Variants in OPCML observed in about 807,000 individuals in gnomAD.
The protein encoded by OPCML is opioid binding protein/cell adhesion molecule like, also known as opioid-binding protein/cell adhesion molecule.
A neutral mutation model predicts 37.8 loss-of-function variants in OPCML; 13 were observed. The observed-to-expected ratio is 0.34, with a 90% confidence interval of 0.22 to 0.55. The LOEUF is 0.55. Among genes scored for constraint, OPCML ranks in the 20% least tolerant of loss-of-function variants. The pLI is 0.91. For missense variants in OPCML, 341 were observed against 435.6 expected (o/e 0.78, Z 1.93); for synonymous variants, 176 against 168.8 (o/e 1.04, Z -0.33).
intron 1 of OPCML, among the ~76,000 whole-genome samples, chr11:132,998,689 G>C (rs1340723740): frequency 6.6e-6 from 1 of 152,162 alleles, no homozygotes; most frequent in African/African-American, 2.4e-5. Context: ...GGGGGCTCTT[G>C]GGAGGTGATT....
rs1565357421 is a variant in OPCML, at chr11:132,942,976, G to A, written c.96C>T (p.Pro32=). 12 of 1,613,992 alleles carry A rather than the reference G, an allele frequency of 7.4e-6. No individual in the cohort carries two copies. Among genetic ancestry groups the A allele is most frequent in the African/African-American group, 1.3e-5 (1 of 74,916 alleles). Residue 32 remains proline (P), a synonymous_variant, in exon 2 of 8, where the codon CCC becomes CCT. Coordinates refer to ENST00000524381, the MANE Select transcript of OPCML (RefSeq NM_001012393.5). ...GGACCGTCACGTTGTCCATAGCTTT[G>A]GGGAAGGTGGCATCTCCGCTGCGCA... ...VPVRSGDATF[P]KAMDNVTVRQ... is the part of the protein sequence containing the mutation.
rs1015706930 is a variant in OPCML, at chr11:133,149,772, A to T, written c.62-206762T>A. ...TAGGCCACCCTGGGCACATCCCATC[A>T]GCTCAGTAATCCTTCATTCTCAACA... On this transcript the variant is annotated intron_variant, in intron 1 of 7. Coordinates refer to ENST00000524381, the MANE Select transcript of OPCML (RefSeq NM_001012393.5). Among the ~76,000 whole-genome samples, 3 of 152,234 alleles carry T rather than the reference A, an allele frequency of 2.0e-5. No individual in the cohort carries two copies. The East Asian group carries it at 5.8e-4, about 29-fold the overall frequency.
chr11:133,318,014 A>G (rs1267280867), intron 1 of OPCML, among the ~76,000 whole-genome samples: 2 of 152,208 alleles, frequency 1.3e-5, no homozygotes, highest in Admixed American at 1.3e-4. Context: ...TGATTTCCAG[A>G]TCACAGAGAG....
At chr11:132,590,543 G>A (rs1367047411) in intron 3 of OPCML, among the ~76,000 whole-genome samples, 1 of 152,034 alleles carries the variant, frequency 6.6e-6, no homozygotes, top group Non-Finnish European at 1.5e-5. Context: ...TTCCATGGAC[G>A]GTTTTATTTA....
chr11:132,952,016 A>C (rs1391006686), intron 1 of OPCML, among the ~76,000 whole-genome samples: 1 of 152,258 alleles, frequency 6.6e-6, no homozygotes, highest in Non-Finnish European at 1.5e-5. Flanking sequence ...ACTGTTATTC[A>C]TAAATAAGGA....
intron 1 of OPCML, among the ~76,000 whole-genome samples, chr11:133,380,035 A>G (rs1188438693): frequency 6.6e-6 from 1 of 152,184 alleles, no homozygotes; most frequent in Non-Finnish European, 1.5e-5. Context: ...ATCATGCCCC[A>G]GGTACCAGGA....
chr11:133,054,510 G>A (rs1213353888), intron 1 of OPCML, among the ~76,000 whole-genome samples: 2 of 152,174 alleles, frequency 1.3e-5, no homozygotes, highest in Non-Finnish European at 2.9e-5. Flanking sequence ...CTCTCCCAGG[G>A]CTGCTCCTCA....
chr11:132,531,756 G>GTTTT (rs11456087), intron 3 of OPCML, among the ~76,000 whole-genome samples: 3 of 146,862 alleles, frequency 2.0e-5, no homozygotes, highest in African/African-American at 5.0e-5. Flanking sequence ...TGTTCTACCC[G>GTTTT]TTTTTTTTTT....
intron 3 of OPCML, among the ~76,000 whole-genome samples, chr11:132,611,244 A>G (rs1298412499): frequency 6.6e-6 from 1 of 152,208 alleles, no homozygotes; most frequent in Admixed American, 6.5e-5. Context: ...TTAGATGCAG[A>G]GAGGACACAG....
chr11:133,031,194 A>G (rs533145605), intron 1 of OPCML, among the ~76,000 whole-genome samples: 1 of 152,286 alleles, frequency 6.6e-6, no homozygotes, highest in South Asian at 2.1e-4. Flanking sequence ...TAGGTGAATG[A>G]ATGGATGGGT....
At chr11:132,692,666 C>T (rs757710141) in intron 2 of OPCML, among the ~76,000 whole-genome samples, 21 of 152,152 alleles carry the variant, frequency 1.4e-4, no homozygotes, top group Non-Finnish European at 2.5e-4. Flanking sequence ...CTAGTAAATC[C>T]TGTTCACAAT....
chr11:133,202,159 C>T (rs891344317), intron 1 of OPCML, among the ~76,000 whole-genome samples: 7 of 152,132 alleles, frequency 4.6e-5, no homozygotes, highest in African/African-American at 7.2e-5. Context: ...GGGTCTCTGC[C>T]GAGGTAACGT....
intron 1 of OPCML, among the ~76,000 whole-genome samples, chr11:133,386,168 C>T (rs918303849): frequency 2.0e-5 from 3 of 152,180 alleles, no homozygotes; most frequent in Non-Finnish European, 2.9e-5. Context: ...ATTGTTACAA[C>T]GCAATAAATT....
At chr11:133,347,977 A>G (rs1321337772) in intron 1 of OPCML, among the ~76,000 whole-genome samples, 2 of 152,226 alleles carry the variant, frequency 1.3e-5, no homozygotes, top group Admixed American at 1.3e-4. Flanking sequence ...AGCCAGATAC[A>G]TAAAGCTTGA....
At chr11:132,906,673 A>C (rs1295008719) in intron 2 of OPCML, among the ~76,000 whole-genome samples, 1 of 152,214 alleles carries the variant, frequency 6.6e-6, no homozygotes, top group African/African-American at 2.4e-5. Context: ...CAGGAAAGGA[A>C]AAGAGGGTAC....
intron 1 of OPCML, among the ~76,000 whole-genome samples, chr11:133,040,431 TC>T (rs760394987): frequency 2.6e-5 from 4 of 152,244 alleles, no homozygotes; most frequent in Non-Finnish European, 5.9e-5. Context: ...CAAACTCTTT[TC>T]CTGTGAGTCA....
chr11:132,926,966 A>G (rs999525514), intron 2 of OPCML, among the ~76,000 whole-genome samples: 2 of 152,164 alleles, frequency 1.3e-5, no homozygotes, highest in South Asian at 4.1e-4. Flanking sequence ...AGAAAAAACA[A>G]TCAGTGAACT....
At chr11:132,789,556 C>T (rs1418048000) in intron 2 of OPCML, among the ~76,000 whole-genome samples, 1 of 152,134 alleles carries the variant, frequency 6.6e-6, no homozygotes, top group East Asian at 1.9e-4. Context: ...AAGGGGACTA[C>T]TAAGAGCTGT....
chr11:132,946,458 A>T (rs1045510105), intron 1 of OPCML, among the ~76,000 whole-genome samples: 7 of 152,202 alleles, frequency 4.6e-5, no homozygotes, highest in African/African-American at 1.7e-4. Context: ...CCGGCAGCAT[A>T]GTAGGGTTTG....
Sources: gnomAD v4.1 joint callset for allele counts (sites outside exome capture counted in the v4.1 genomes callset) on GRCh38, gnomAD v4.1.1 for gene constraint, MANE v1.5 for transcripts, NCBI Gene and HGNC (gene_info 2026-07-23, HGNC 2026-07-21) for gene names.